The following TMEM220 variants were observed in gnomAD, a reference collection of about 807,000 sequenced individuals.
The protein encoded by TMEM220 is transmembrane protein 220.
In TMEM220, 21 loss-of-function variants were observed where a neutral mutation model predicts 21.7. That is an observed-to-expected ratio of 0.97 (90% CI 0.69 to 1.39). The LOEUF is 1.39. Ranked by LOEUF, TMEM220 falls within the 40% of genes most tolerant of loss-of-function variation. The pLI, the probability that TMEM220 is intolerant of heterozygous loss-of-function variation, is 0.00. For missense variants in TMEM220, 191 were observed against 201.9 expected (o/e 0.95, Z 0.33); for synonymous variants, 80 against 73.6 (o/e 1.09, Z -0.45).
At chr17:10,721,615 AAAAAG>A (rs1384862347) in intron 5 of TMEM220, among the ~76,000 whole-genome samples, 10 of 54,134 alleles carry the variant, frequency 1.8e-4, no homozygotes, top group African/African-American at 4.4e-4. Flanking sequence ...AAAAAAAAAA[AAAAAG>A]AAAAAAAGAA....
In TMEM220 at chr17:10,723,275, G is replaced by T; in HGVS notation, c.342C>A (p.Ser114=). The change falls in exon 5 of 6, where the codon TCC becomes TCA. Residue 114 remains serine, a synonymous_variant. Transcript: ENST00000341871. ...ITAWIILCHS[S]SKNPVGGRIQ... is the part of the protein sequence containing the mutation. ...GTGATGAGTTGAATACTTACTTTGA[G>T]GAACTGTGGCACAGGATAATCCATG... The T allele has an allele frequency of 6.2e-7, 1 of 1,613,996 alleles. No individual in the cohort carries two copies. Among genetic ancestry groups the T allele is most frequent in the Non-Finnish European group, 8.5e-7 (1 of 1,179,918 alleles).
downstream of TMEM220, among the ~76,000 whole-genome samples, chr17:10,712,307 C>T (rs759754600): frequency 1.3e-5 from 2 of 152,172 alleles, no homozygotes; most frequent in Admixed American, 6.5e-5. Context: ...CTTCAGCCTT[C>T]GTCTTGCAAG....
chr17:10,724,683 C>T (rs2075028340), intron 4 of TMEM220, among the ~76,000 whole-genome samples: 2 of 152,014 alleles, frequency 1.3e-5, no homozygotes, highest in Admixed American at 1.3e-4. Flanking sequence ...GAGTTATCAC[C>T]ATATTAGATC....
Position 10,713,908 on chromosome 17 carries a change from G to T in TMEM220, c.*1545C>A, listed in dbSNP as rs981991438. The T allele has an allele frequency of 5.9e-5, 9 of 152,094 alleles. No homozygotes were observed. The highest frequency in any genetic ancestry group is 5.2e-4 in the Admixed American group (8 of 15,270). The allele number at this position is 152,094 out of a possible 1,614,324, so 9.4% of individuals were successfully genotyped here. A position where few individuals can be genotyped will look rare whatever the true frequency, so the allele number is the denominator to read the frequency against. On this transcript the variant is annotated 3_prime_UTR_variant, in exon 6 of 6. Coordinates refer to ENST00000341871, the MANE Select transcript of TMEM220 (RefSeq NM_001004313.3). ...TTTACACTCTCCTAACCTGTGGAAGGCACTACTCGTTCTTTTTGAGTGAAG... is the reference window on the plus strand; with the variant it reads ...TTTACACTCTCCTAACCTGTGGAAGTCACTACTCGTTCTTTTTGAGTGAAG...
In TMEM220 at chr17:10,722,032, G is replaced by A. The variant is rs147743217; in HGVS notation, c.347+1238C>T. ...TTTTGAGATGCAGTCCTGCTCTATC[G>A]CGCAGGCTGGAGTGCAACAGCACTA... is the stretch of plus-strand genomic sequence containing the variant. On this transcript the variant is annotated intron_variant, in intron 5 of 5. Coordinates refer to ENST00000341871, the MANE Select transcript of TMEM220 (RefSeq NM_001004313.3). 1.2e-3 allele frequency among the ~76,000 whole-genome samples: 170 copies of A among 144,626 alleles called. No individual in the cohort carries two copies. The East Asian group carries it at 0.02, about 17-fold the overall frequency. 94.9% of individuals were successfully genotyped at this position (144,626 alleles called of 152,430 possible). A position where few individuals can be genotyped will look rare whatever the true frequency, so the allele number is the denominator to read the frequency against.
intron 5 of TMEM220, among the ~76,000 whole-genome samples, chr17:10,720,274 C>T (rs2074971884): frequency 6.6e-6 from 1 of 152,142 alleles, no homozygotes; most frequent in Admixed American, 6.5e-5. Flanking sequence ...TTAACTGCAG[C>T]ACTATTTTTA....
At chr17:10,712,665 G>A (rs1423283740), downstream of TMEM220, among the ~76,000 whole-genome samples, 1 of 152,198 alleles carries the variant, frequency 6.6e-6, no homozygotes, top group Non-Finnish European at 1.5e-5. Context: ...TTGAATAAGT[G>A]GGGAAGAGTA....
chr17:10,725,381 G>A (rs1373786327), intron 3 of TMEM220, among the ~76,000 whole-genome samples: 1 of 152,102 alleles, frequency 6.6e-6, no homozygotes, highest in Non-Finnish European at 1.5e-5. Flanking sequence ...TATTTTCTCT[G>A]GGGATCCACC....
chr17:10,728,557 C>A (rs556387638), intron 2 of TMEM220, among the ~76,000 whole-genome samples: 1 of 152,102 alleles, frequency 6.6e-6, no homozygotes, highest in African/African-American at 2.4e-5. Context: ...GTGATCCACC[C>A]GCCTTGGCCT....
At chr17:10,722,997 T>G (rs986527316) in intron 5 of TMEM220, among the ~76,000 whole-genome samples, 13 of 151,720 alleles carry the variant, frequency 8.6e-5, no homozygotes, top group Non-Finnish European at 8.8e-5. Flanking sequence ...TTTTTTTTTT[T>G]TTTGAGAGAG....
Position 10,729,982 on chromosome 17 carries a change from C to T in TMEM220, c.-131G>A, listed in dbSNP as rs2075109729. 8.3e-7 allele frequency: 1 copy of T among 1,205,548 alleles called. No homozygotes were observed. The highest frequency in any genetic ancestry group is 1.0e-6 in the Non-Finnish European group (1 of 978,236). The allele number at this position is 1,205,548 out of a possible 1,614,324, so 74.7% of individuals were successfully genotyped here. On this transcript the variant is annotated 5_prime_UTR_variant, in exon 1 of 6. Transcript: ENST00000341871. ...CGCCTCGGTTTCGGTGCCTTGGGGACACTGCCGTGGCCGTCGCTCCGCCCG... is the reference window on the plus strand; with the variant it reads ...CGCCTCGGTTTCGGTGCCTTGGGGATACTGCCGTGGCCGTCGCTCCGCCCG...
In TMEM220 at chr17:10,715,699, AGTT is replaced by A. The variant is rs891024351; in HGVS notation, c.348-114_348-112del. 4.9e-4 allele frequency: 361 copies of A among 740,066 alleles called. 1 individual carries two copies. Among genetic ancestry groups the A allele is most frequent in the Middle Eastern group, 4.5e-3 (11 of 2,456 alleles). The allele number at this position is 740,066 out of a possible 1,614,324, so 45.8% of individuals were successfully genotyped here. On this transcript the variant is annotated intron_variant, in intron 5 of 5. Coordinates refer to ENST00000341871, the MANE Select transcript of TMEM220 (RefSeq NM_001004313.3). ...TTACATTTTAGTATGTTCTCATCTC[AGTT>A]GTTTTATTGAAATATAACATTGATT...
chr17:10,726,827 C>T (rs2075054745), intron 2 of TMEM220, among the ~76,000 whole-genome samples: 1 of 152,104 alleles, frequency 6.6e-6, no homozygotes, highest in Non-Finnish European at 1.5e-5. Context: ...GAAGACTAGC[C>T]CTAAAGAGGC....
chr17:10,717,200 G>C (rs527804889), intron 5 of TMEM220, among the ~76,000 whole-genome samples: 1 of 152,282 alleles, frequency 6.6e-6, no homozygotes, highest in East Asian at 1.9e-4. Context: ...TGGGACAATA[G>C]CTGGGACAAT....
chr17:10,720,911 G>A (rs745719012), intron 5 of TMEM220, among the ~76,000 whole-genome samples: 7 of 152,242 alleles, frequency 4.6e-5, no homozygotes, highest in Middle Eastern at 3.4e-3. Context: ...TAGAAATTTT[G>A]CCATGATTAA....
chr17:10,721,613 AAAAAAAGAAAAAAAG>A (rs1326262815), intron 5 of TMEM220, among the ~76,000 whole-genome samples: 6 of 133,418 alleles, frequency 4.5e-5, no homozygotes, highest in East Asian at 2.5e-4. Context: ...TCAAAAAAAA[AAAAAAAGAAAAAAAG>A]AAAAAAAAGA....
At position 10,729,927 on chromosome 17, in the gene TMEM220, T is replaced by TGCGGGGCGGTGAG; in HGVS notation, c.-77_-76insCTCACCGCCCCGC. On this transcript the variant is annotated 5_prime_UTR_variant, in exon 1 of 6. Coordinates refer to ENST00000341871, the MANE Select transcript of TMEM220 (RefSeq NM_001004313.3). Reference sequence around the variant, plus strand: ...TGAGTCCTGCCACGTACGGTCCGCCTTCCTCCTTGCGCGGAGGGACCGAGA... The same window carrying TGCGGGGCGGTGAG: ...TGAGTCCTGCCACGTACGGTCCGCCTGCGGGGCGGTGAGTCCTCCTTGCGCGGAGGGACCGAGA... 1 of 1,247,482 alleles carries TGCGGGGCGGTGAG rather than the reference T, an allele frequency of 8.0e-7. No homozygotes were observed. Among genetic ancestry groups the TGCGGGGCGGTGAG allele is most frequent in the African/African-American group, 1.6e-5 (1 of 63,838 alleles). 77.3% of individuals were successfully genotyped at this position (1,247,482 alleles called of 1,614,324 possible). A position where few individuals can be genotyped will look rare whatever the true frequency, so the allele number is the denominator to read the frequency against.
At chr17:10,729,115 T>C in intron 1 of TMEM220, 55 bp from the exon 2 acceptor site, 1 of 1,593,216 alleles carries the variant, frequency 6.3e-7, no homozygotes, top group South Asian at 1.1e-5. Flanking sequence ...TTCCATTCCT[T>C]TTAAATTCAT....
intron 5 of TMEM220, 114 bp from the exon 6 acceptor site, chr17:10,715,702 T>A (rs1419246417): frequency 2.8e-6 from 2 of 708,896 alleles, no homozygotes; most frequent in Admixed American, 3.9e-5. Context: ...TCATCTCAGT[T>A]GTTTTATTGA....
Sources: gnomAD v4.1 joint callset for allele counts (sites outside exome capture counted in the v4.1 genomes callset) on GRCh38, gnomAD v4.1.1 for gene constraint, MANE v1.5 for transcripts, NCBI Gene and HGNC (gene_info 2026-07-23, HGNC 2026-07-21) for gene names.